The following ARHGAP28 variants were observed in gnomAD, a reference collection of about 807,000 sequenced individuals.
ARHGAP28 encodes rho GTPase-activating protein 28.
Under a neutral mutation model 90.7 loss-of-function variants are expected in ARHGAP28, and 56 were observed. The observed-to-expected ratio is 0.62, with a 90% CI of 0.50 to 0.77. The LOEUF (loss-of-function observed/expected upper bound fraction) is 0.77, where lower values mean the gene tolerates loss of function less well. Ranked by LOEUF, ARHGAP28 falls within the 30% of genes least tolerant of loss-of-function variation. ARHGAP28 has a pLI of 0.00. For missense variants in ARHGAP28, 869 were observed against 900.9 expected (o/e 0.96, Z 0.45); for synonymous variants, 308 against 323.3 (o/e 0.95, Z 0.51).
At chr18:6,817,798 C>T (rs2056601759) in intron 1 of ARHGAP28, among the ~76,000 whole-genome samples, 2 of 152,138 alleles carry the variant, frequency 1.3e-5, no homozygotes, top group African/African-American at 4.8e-5. Context: ...GATTTCACTG[C>T]AACCCTGGAG....
intron 1 of ARHGAP28, among the ~76,000 whole-genome samples, chr18:6,768,738 G>T (rs905884244): frequency 6.6e-6 from 1 of 152,058 alleles, no homozygotes; most frequent in African/African-American, 2.4e-5. Flanking sequence ...AATTCCATCT[G>T]CCTTAGCCTC....
Position 6,824,842 on chromosome 18 carries a change from A to G in ARHGAP28, c.203A>G (p.Asn68Ser), listed in dbSNP as rs1217070323. 1 of 1,536,470 alleles carries G rather than the reference A, an allele frequency of 6.5e-7. No individual in the cohort carries two copies. ...CATCCTCCTGCCTTCAGCCGTTCCA[A>G]CTCAGAAGCCTCCGTAGACAGCGCC... ...SLHPPAFSRS[N>S]SEASVDSASM... The change falls in exon 2 of 18, where the codon AAC (asparagine) becomes AGC (serine). Residue 68 changes from asparagine (N) to serine (S), a missense_variant. Transcript: ENST00000383472.
chr18:6,794,495 G>A (rs2056427899), intron 1 of ARHGAP28, among the ~76,000 whole-genome samples: 1 of 152,182 alleles, frequency 6.6e-6, no homozygotes, highest in South Asian at 2.1e-4. Context: ...GCGCATTACT[G>A]CTCTATCCCT....
intron 1 of ARHGAP28, among the ~76,000 whole-genome samples, chr18:6,796,118 C>T (rs2056439891): frequency 6.6e-6 from 1 of 152,120 alleles, no homozygotes; most frequent in Non-Finnish European, 1.5e-5. Flanking sequence ...CTTTAGAAGG[C>T]CCAGGAACGT....
At chr18:6,828,514 G>A (rs1018076963) in intron 2 of ARHGAP28, among the ~76,000 whole-genome samples, 31 of 152,196 alleles carry the variant, frequency 2.0e-4, no homozygotes, top group Non-Finnish European at 4.3e-4. Flanking sequence ...ATGTCAGGAA[G>A]GATATTTCCT....
chr18:6,799,508 A>G (rs2056466450), intron 1 of ARHGAP28, among the ~76,000 whole-genome samples: 1 of 152,246 alleles, frequency 6.6e-6, no homozygotes, highest in African/African-American at 2.4e-5. Flanking sequence ...TAACCAAAAC[A>G]GCATGGTTCC....
intron 14 of ARHGAP28, among the ~76,000 whole-genome samples, chr18:6,892,817 C>T (rs150193402): frequency 6.6e-6 from 1 of 152,300 alleles, no homozygotes; most frequent in East Asian, 1.9e-4. Context: ...ACTGAAAAAC[C>T]TCCCAGTCTT....
intron 2 of ARHGAP28, among the ~76,000 whole-genome samples, chr18:6,826,683 CT>C (rs36069648): frequency 8.4e-4 from 74 of 88,264 alleles, no homozygotes; most frequent in South Asian, 2.7e-3. Flanking sequence ...GGATTTTGAG[CT>C]TTTTTTTTTT....
intron 3 of ARHGAP28, among the ~76,000 whole-genome samples, chr18:6,841,119 T>TTCTCTCTCTCTCCTCTCTC (rs2056804741): frequency 8.5e-6 from 1 of 117,108 alleles, no homozygotes; most frequent in African/African-American, 3.1e-5. Flanking sequence ...GGTCCTTCTC[T>TTCTCTCTCTCTCCTCTCTC]TCTCTCTCTC....
intron 1 of ARHGAP28, among the ~76,000 whole-genome samples, chr18:6,738,234 A>G (rs932664339): frequency 7.9e-5 from 12 of 152,300 alleles, no homozygotes; most frequent in Admixed American, 5.2e-4. Context: ...TTATGTACCA[A>G]AGATAAATCT....
chr18:6,814,020 G>A (rs1379552844), intron 1 of ARHGAP28, among the ~76,000 whole-genome samples: 2 of 152,052 alleles, frequency 1.3e-5, no homozygotes, highest in Non-Finnish European at 2.9e-5. Context: ...CACAACTGAT[G>A]GAGCACAGAA....
intron 1 of ARHGAP28, among the ~76,000 whole-genome samples, chr18:6,823,753 CT>C (rs956023532): frequency 2.0e-5 from 3 of 151,900 alleles, no homozygotes; most frequent in Non-Finnish European, 4.4e-5. Flanking sequence ...TATTTTCCTT[CT>C]TTTATTTTTT....
intron 1 of ARHGAP28, among the ~76,000 whole-genome samples, chr18:6,776,296 C>T (rs1481247656): frequency 1.3e-5 from 2 of 152,196 alleles, no homozygotes; most frequent in African/African-American, 4.8e-5. Flanking sequence ...GTTTTAATGC[C>T]TGTTTCAAAC....
At chr18:6,741,650 A>AT (rs142548794) in intron 1 of ARHGAP28, among the ~76,000 whole-genome samples, 6,110 of 152,270 alleles carry the variant, frequency 0.04, 410 homozygotes, top group African/African-American at 0.14. Context: ...AATAGCACCA[A>AT]TTCTCTTTAG....
At chr18:6,903,826 C>CAAAAA (rs35606759) in intron 16 of ARHGAP28, among the ~76,000 whole-genome samples, 2 of 84,034 alleles carry the variant, frequency 2.4e-5, no homozygotes, top group Non-Finnish European at 4.3e-5. Context: ...GACTCCATCT[C>CAAAAA]AAAAAAAAAA....
At chr18:6,826,671 A>G (rs2143786359) in intron 2 of ARHGAP28, among the ~76,000 whole-genome samples, 1 of 148,470 alleles carries the variant, frequency 6.7e-6, no homozygotes, top group Non-Finnish European at 1.5e-5. Flanking sequence ...CACTGGGGCA[A>G]AGGATTTTGA....
intron 14 of ARHGAP28, among the ~76,000 whole-genome samples, 168 bp downstream of exon 14, chr18:6,890,711 T>TG (rs2057258909): frequency 6.6e-6 from 1 of 152,186 alleles, no homozygotes; most frequent in Non-Finnish European, 1.5e-5. Flanking sequence ...CAGAGTACCG[T>TG]GGCCTTTGCA....
chr18:6,795,712 G>C (rs539062652), intron 1 of ARHGAP28, among the ~76,000 whole-genome samples: 1 of 152,302 alleles, frequency 6.6e-6, no homozygotes, highest in African/African-American at 2.4e-5. Flanking sequence ...TCTGTGGGTT[G>C]TAGTTCACTG....
chr18:6,858,597 G>A (rs7232013), intron 4 of ARHGAP28, among the ~76,000 whole-genome samples: 28,858 of 150,740 alleles, frequency 0.19, 4,368 homozygotes, highest in African/African-American at 0.41. Context: ...AGTTTGGAGC[G>A]CAATGGCACA....
Sources: gnomAD v4.1 joint callset for allele counts (sites outside exome capture counted in the v4.1 genomes callset) on GRCh38, gnomAD v4.1.1 for gene constraint, MANE v1.5 for transcripts, NCBI Gene and HGNC (gene_info 2026-07-23, HGNC 2026-07-21) for gene names.